The following NCKAP5 variants were observed in gnomAD, a reference collection of about 807,000 sequenced individuals.
The protein encoded by NCKAP5 is NCK associated protein 5.
Under a neutral mutation model 167.0 loss-of-function variants are expected in NCKAP5, and 92 were observed. The observed-to-expected ratio is 0.55, with a 90% CI of 0.47 to 0.66. NCKAP5 has a LOEUF of 0.66. Ranked by LOEUF, NCKAP5 falls within the 30% of genes least tolerant of loss-of-function variation. The pLI is 0.00. For missense variants in NCKAP5, 2,378 were observed against 2,315.0 expected (o/e 1.03, Z -0.56); for synonymous variants, 891 against 877.4 (o/e 1.02, Z -0.27).
chr2:133,672,673 A>G, the NCKAP5 span, among the ~76,000 whole-genome samples: 3 of 152,180 alleles, frequency 2.0e-5, no homozygotes, highest in Non-Finnish European at 4.4e-5. Context: ...GGTAACACAA[A>G]AGCAGCCATA....
chr2:133,050,646 C>T (rs1004503482), intron 6 of NCKAP5, among the ~76,000 whole-genome samples: 3 of 152,148 alleles, frequency 2.0e-5, no homozygotes, highest in African/African-American at 4.8e-5. Flanking sequence ...ATCAATGCTG[C>T]TATTTATTTT....
intron 5 of NCKAP5, among the ~76,000 whole-genome samples, chr2:133,141,365 C>T (rs747574383): frequency 5.9e-5 from 9 of 151,382 alleles, no homozygotes; most frequent in East Asian, 1.9e-4. Context: ...TACATTGTAC[C>T]GTTCTTTTTG....
At chr2:133,018,756 C>G (rs139815060) in intron 6 of NCKAP5, among the ~76,000 whole-genome samples, 20 of 152,266 alleles carry the variant, frequency 1.3e-4, no homozygotes, top group African/African-American at 4.6e-4. Context: ...TTGCTTTTGG[C>G]AGATACTCAG....
intron 16 of NCKAP5, among the ~76,000 whole-genome samples, chr2:132,750,445 G>A (rs558424532): frequency 5.3e-5 from 8 of 152,256 alleles, no homozygotes; most frequent in South Asian, 4.1e-4. Context: ...TAGAAAATGC[G>A]TATTTTATGG....
chr2:132,951,050 G>T (rs2076171402), intron 8 of NCKAP5, among the ~76,000 whole-genome samples: 1 of 152,194 alleles, frequency 6.6e-6, no homozygotes, highest in African/African-American at 2.4e-5. Flanking sequence ...ATTTCCAACT[G>T]CTCATGTTCC....
chr2:133,368,658 T>C lies in NCKAP5; in HGVS notation c.70-65548A>G, dbSNP rs568250773. 1.2e-3 allele frequency among the ~76,000 whole-genome samples: 178 copies of C among 152,306 alleles called. 1 individual carries two copies. The highest frequency in any genetic ancestry group is 3.4e-3 in the Middle Eastern group (1 of 294). ...CATTTCTCCAGGCTGCATTTTGAAA[T>C]GAAGCATGAAGGATGGCCCCTGCCT... On this transcript the variant is annotated intron_variant, in intron 3 of 19. Coordinates refer to ENST00000409261, the MANE Select transcript of NCKAP5 (RefSeq NM_207363.3).
chr2:132,822,378 C>A (rs1365186550), intron 11 of NCKAP5, among the ~76,000 whole-genome samples: 1 of 152,212 alleles, frequency 6.6e-6, no homozygotes, highest in Non-Finnish European at 1.5e-5. Flanking sequence ...GACCGCATCA[C>A]AGGACTTTTT....
At chr2:133,358,238 T>C (rs777735090) in intron 3 of NCKAP5, among the ~76,000 whole-genome samples, 1 of 152,228 alleles carries the variant, frequency 6.6e-6, no homozygotes, top group Non-Finnish European at 1.5e-5. Flanking sequence ...TTTATGGTTC[T>C]AGCTCCCATT....
intron 8 of NCKAP5, among the ~76,000 whole-genome samples, chr2:132,921,630 C>A (rs1695438741): frequency 6.6e-6 from 1 of 152,190 alleles, no homozygotes; most frequent in African/African-American, 2.4e-5. Context: ...TGGCAATCAT[C>A]CCGCCTTTGA....
At chr2:132,895,844 A>C (rs983903388) in intron 8 of NCKAP5, among the ~76,000 whole-genome samples, 6 of 151,378 alleles carry the variant, frequency 4.0e-5, no homozygotes, top group African/African-American at 9.8e-5. Flanking sequence ...CAAAAAAAAA[A>C]ACACAGTAGG....
At chr2:133,058,042 C>G (rs562916622) in intron 6 of NCKAP5, among the ~76,000 whole-genome samples, 1 of 152,196 alleles carries the variant, frequency 6.6e-6, no homozygotes, top group East Asian at 1.9e-4. Flanking sequence ...ATAGATGGAA[C>G]AACAAAGCCT....
chr2:133,400,503 A>T (rs766114148), intron 3 of NCKAP5, among the ~76,000 whole-genome samples: 2 of 152,174 alleles, frequency 1.3e-5, no homozygotes, highest in Non-Finnish European at 2.9e-5. Context: ...GAGAAGGAGA[A>T]GATGACCATG....
chr2:133,482,196 T>C (rs1211255411), intron 3 of NCKAP5, among the ~76,000 whole-genome samples: 7 of 152,026 alleles, frequency 4.6e-5, no homozygotes, highest in Non-Finnish European at 7.4e-5. Context: ...ATTGTGTATA[T>C]ATATAAAATT....
chr2:133,321,964 G>C (rs550641371), intron 3 of NCKAP5, among the ~76,000 whole-genome samples: 1 of 152,176 alleles, frequency 6.6e-6, no homozygotes, highest in African/African-American at 2.4e-5. Context: ...TATTAATTAG[G>C]TAAAACTTAA....
chr2:132,854,661 T>G (rs1689324636), intron 11 of NCKAP5, among the ~76,000 whole-genome samples: 1 of 152,232 alleles, frequency 6.6e-6, no homozygotes, highest in African/African-American at 2.4e-5. Flanking sequence ...TCTGCTCAGC[T>G]GCTATAGCTT....
At chr2:133,576,340 C>A in the NCKAP5 span, among the ~76,000 whole-genome samples, 1 of 152,180 alleles carries the variant, frequency 6.6e-6, no homozygotes, top group Non-Finnish European at 1.5e-5. Flanking sequence ...GGGGTGTTCA[C>A]AGAAAATAAT....
chr2:133,666,935 T>C, the NCKAP5 span, among the ~76,000 whole-genome samples: 1 of 152,018 alleles, frequency 6.6e-6, no homozygotes, highest in Non-Finnish European at 1.5e-5. Flanking sequence ...TGTTGCAGGA[T>C]CTGTAAAAAC....
intron 2 of NCKAP5, among the ~76,000 whole-genome samples, chr2:133,549,968 C>A (rs1369655833): frequency 1.3e-5 from 2 of 148,252 alleles, no homozygotes; most frequent in African/African-American, 5.0e-5. Flanking sequence ...ACTACAAACA[C>A]CTCTACGCAA....
At chr2:133,596,077 C>T in the NCKAP5 span, 2 of 152,580 alleles carry the variant, frequency 1.3e-5, no homozygotes, top group Admixed American at 1.3e-4. Context: ...AGCTTGTGGG[C>T]TATACAAAAA....
Sources: allele counts gnomAD v4.1 joint callset (sites outside exome capture counted in the v4.1 genomes callset), GRCh38; gene constraint gnomAD v4.1.1; transcripts MANE v1.5; gene names NCBI Gene and HGNC (gene_info 2026-07-23, HGNC 2026-07-21).